Variants in L3MBTL4 observed in about 807,000 individuals in gnomAD.
L3MBTL4 encodes L3MBTL histone methyl-lysine binding protein 4.
A neutral mutation model predicts 84.5 loss-of-function variants in L3MBTL4; 70 were observed. That is an observed-to-expected ratio of 0.83 (90% confidence interval 0.68 to 1.01). The LOEUF (loss-of-function observed/expected upper bound fraction) is 1.01, where lower values mean the gene tolerates loss of function less well. Among genes scored for constraint, L3MBTL4 ranks in the 50% least tolerant of loss-of-function variants. The pLI is 0.00. For missense variants in L3MBTL4, 715 were observed against 754.8 expected, an observed-to-expected ratio of 0.95 and a Z score of 0.62; for synonymous variants, 274 against 259.8, an observed-to-expected ratio of 1.05 and a Z score of -0.52.
chr18:6,317,515 C>T (rs1359205707), intron 1 of L3MBTL4, among the ~76,000 whole-genome samples: 1 of 151,622 alleles, frequency 6.6e-6, no homozygotes, highest in Non-Finnish European at 1.5e-5. Context: ...TTTCAGAGCT[C>T]GAAGATAAGG....
At chr18:5,983,704 T>C (rs189949247) in intron 16 of L3MBTL4, among the ~76,000 whole-genome samples, 2,796 of 152,166 alleles carry the variant, frequency 0.018, 47 homozygotes, top group Non-Finnish European at 0.03. Flanking sequence ...CGGAACACAA[T>C]GGCAGTGATG....
chr18:6,187,866 CA>C (rs36013917), intron 12 of L3MBTL4, among the ~76,000 whole-genome samples: 6,178 of 96,868 alleles, frequency 0.064, 197 homozygotes, highest in African/African-American at 0.13. Flanking sequence ...CTCTTGGTAC[CA>C]AAAAAAAAAA....
At chr18:6,080,198 C>A (rs2058026041) in intron 16 of L3MBTL4, 1 of 152,368 alleles carries the variant, frequency 6.6e-6, no homozygotes, top group African/African-American at 2.4e-5. Context: ...CTCTAGAAGG[C>A]AGACAGATCT....
intron 1 of L3MBTL4, among the ~76,000 whole-genome samples, chr18:6,411,082 C>T (rs570799104): frequency 1.1e-4 from 16 of 152,258 alleles, no homozygotes; most frequent in African/African-American, 1.7e-4. Flanking sequence ...ATAAATTATC[C>T]TAAGGCACTA....
intron 1 of L3MBTL4, among the ~76,000 whole-genome samples, chr18:6,355,711 T>A (rs1391430355): frequency 2.0e-5 from 3 of 152,206 alleles, no homozygotes; most frequent in African/African-American, 7.2e-5. Context: ...CAACTGTATG[T>A]AAGTCAACCT....
chr18:6,213,976 C>A (rs973104260), intron 11 of L3MBTL4, among the ~76,000 whole-genome samples: 3 of 152,124 alleles, frequency 2.0e-5, no homozygotes, highest in Non-Finnish European at 4.4e-5. Context: ...TGCCCAGTTT[C>A]AAACTGTATG....
intron 8 of L3MBTL4, among the ~76,000 whole-genome samples, chr18:6,240,594 CG>C (rs1400514252): frequency 1.3e-5 from 2 of 152,070 alleles, no homozygotes; most frequent in Non-Finnish European, 2.9e-5. Context: ...ATACAGTATC[CG>C]GGAACTGAAA....
chr18:6,346,735 A>G (rs2052923980), intron 1 of L3MBTL4, among the ~76,000 whole-genome samples: 1 of 152,158 alleles, frequency 6.6e-6, no homozygotes, highest in Admixed American at 6.5e-5. Context: ...ACCCTTGTAT[A>G]CAATTGGTGG....
intron 16 of L3MBTL4, 97 bp downstream of exon 16, chr18:6,080,784 T>A: frequency 1.1e-6 from 1 of 877,676 alleles, no homozygotes; most frequent in Non-Finnish European, 1.7e-6. Context: ...CTTTCTACCA[T>A]TCCCTGTTGG....
At chr18:6,406,564 C>T (rs565491603) in intron 1 of L3MBTL4, among the ~76,000 whole-genome samples, 2 of 152,166 alleles carry the variant, frequency 1.3e-5, no homozygotes, top group Admixed American at 1.3e-4. Context: ...TGATTTTACC[C>T]CTCCACCCCT....
chr18:6,215,141 A>G (rs996591214), intron 11 of L3MBTL4, among the ~76,000 whole-genome samples: 1 of 152,232 alleles, frequency 6.6e-6, no homozygotes, highest in Non-Finnish European at 1.5e-5. Context: ...AACATGAAAC[A>G]CACAGAGAAC....
intron 16 of L3MBTL4, among the ~76,000 whole-genome samples, chr18:5,970,656 C>T (rs993962923): frequency 4.6e-5 from 7 of 152,148 alleles, no homozygotes; most frequent in African/African-American, 1.7e-4. Flanking sequence ...TTTAAGCCCT[C>T]CAGAAGTCTA....
chr18:5,968,940 C>T (rs1294018830), intron 17 of L3MBTL4, among the ~76,000 whole-genome samples: 1 of 152,102 alleles, frequency 6.6e-6, no homozygotes, highest in African/African-American at 2.4e-5. Context: ...GCCTGGATCC[C>T]ATAAGACCAC....
chr18:6,412,251 A>G (rs1156584387), intron 1 of L3MBTL4, among the ~76,000 whole-genome samples: 3 of 151,984 alleles, frequency 2.0e-5, no homozygotes, highest in African/African-American at 7.3e-5. Context: ...GGTTTTCTCA[A>G]TCCAGTGTTG....
rs112126347 is a variant in L3MBTL4 at position 6,151,169 on chromosome 18, T to C, written c.1097-12873A>G. On this transcript the variant is annotated intron_variant, in intron 13 of 18. Coordinates refer to ENST00000317931, the MANE Select transcript of L3MBTL4 (RefSeq NM_001330559.2). ...ATTCCAGTGGCAAGCTTGTGAATCA[T>C]TTATGTGTTCCCCATTCAGGTTGTG... Among the ~76,000 whole-genome samples the C allele has an allele frequency of 1.2e-3, 188 of 152,322 alleles. No individual in the cohort carries two copies. In the South Asian group the frequency reaches 0.013, roughly 10 times the overall value.
intron 1 of L3MBTL4, among the ~76,000 whole-genome samples, chr18:6,404,968 T>C (rs2055664662): frequency 6.6e-6 from 1 of 152,154 alleles, no homozygotes; most frequent in Non-Finnish European, 1.5e-5. Flanking sequence ...AGTGCTGGGA[T>C]TACAGGTGGG....
chr18:6,075,546 T>A (rs576759427), intron 16 of L3MBTL4, among the ~76,000 whole-genome samples: 1 of 152,222 alleles, frequency 6.6e-6, no homozygotes, highest in East Asian at 1.9e-4. Context: ...ACACTGTAGA[T>A]CTAAATGTGA....
chr18:6,398,825 A>G (rs940121973), intron 1 of L3MBTL4, among the ~76,000 whole-genome samples: 4 of 152,042 alleles, frequency 2.6e-5, no homozygotes, highest in African/African-American at 9.7e-5. Flanking sequence ...CCCGAAAGAC[A>G]TGCGCCCCAG....
intron 10 of L3MBTL4, among the ~76,000 whole-genome samples, chr18:6,237,151 G>GAT (rs2047248185): frequency 6.6e-6 from 1 of 152,086 alleles, no homozygotes; most frequent in African/African-American, 2.4e-5. Flanking sequence ...TAACTAACTA[G>GAT]ATAGAGTCCT....
Sources: gnomAD v4.1 joint callset for allele counts (sites outside exome capture counted in the v4.1 genomes callset) on GRCh38, gnomAD v4.1.1 for gene constraint, MANE v1.5 for transcripts, NCBI Gene and HGNC (gene_info 2026-07-23, HGNC 2026-07-21) for gene names.